Variants in FAM184A observed in about 807,000 individuals in gnomAD.
FAM184A encodes the protein family with sequence similarity 184 member A, also known as protein FAM184A.
A neutral mutation model predicts 143.8 loss-of-function variants in FAM184A; 99 were observed. The ratio of observed to expected loss-of-function variants is 0.69; its 90% confidence interval spans 0.58 to 0.81. The LOEUF is 0.81. Ranked by LOEUF, FAM184A falls within the 40% of genes least tolerant of loss-of-function variation. The pLI is 0.00. For missense variants in FAM184A, 1,217 were observed against 1,310.5 expected (o/e 0.93, Z 1.10); for synonymous variants, 427 against 446.4 (o/e 0.96, Z 0.55).
At chr6:119,117,556 G>C (rs1789092339) in intron 1 of FAM184A, among the ~76,000 whole-genome samples, 1 of 152,180 alleles carries the variant, frequency 6.6e-6, no homozygotes, top group African/African-American at 2.4e-5. Context: ...TGCTGTCAGA[G>C]GCCCCATTGC....
At chr6:119,016,364 C>T (rs934168094) in intron 5 of FAM184A, among the ~76,000 whole-genome samples, 3 of 152,150 alleles carry the variant, frequency 2.0e-5, no homozygotes, top group African/African-American at 4.8e-5. Flanking sequence ...TCTTTGGGTC[C>T]ACGCTGCTTT....
intron 15 of FAM184A, among the ~76,000 whole-genome samples, chr6:118,966,226 A>G (rs1783497082): frequency 6.6e-6 from 1 of 152,228 alleles, no homozygotes; most frequent in Non-Finnish European, 1.5e-5. Context: ...TAAAGAGTAT[A>G]TTCATTGTTA....
chr6:119,127,330 C>T (rs143794868), intron 1 of FAM184A, among the ~76,000 whole-genome samples: 1 of 152,296 alleles, frequency 6.6e-6, no homozygotes, highest in East Asian at 1.9e-4. Context: ...GGTGTGTGCA[C>T]ACTAGTGGTG....
At chr6:119,062,998 T>G (rs1239737662) in intron 1 of FAM184A, among the ~76,000 whole-genome samples, 3 of 152,224 alleles carry the variant, frequency 2.0e-5, no homozygotes, top group Non-Finnish European at 4.4e-5. Context: ...ACTTCATTGT[T>G]AATTTTCTAA....
At chr6:119,128,885 T>C in intron 1 of FAM184A, among the ~76,000 whole-genome samples, 1 of 49,862 alleles carries the variant, frequency 2.0e-5, no homozygotes, top group African/African-American at 7.6e-5. Context: ...CTTCCCTTAC[T>C]AGTTTTTTTT....
intron 1 of FAM184A, among the ~76,000 whole-genome samples, chr6:119,097,606 T>A (rs1288964924): frequency 6.6e-6 from 1 of 152,182 alleles, no homozygotes; most frequent in Non-Finnish European, 1.5e-5. Flanking sequence ...ACTTGCTAAG[T>A]GGCCGAAACA....
chr6:119,038,454 G>T (rs547655903), intron 1 of FAM184A, among the ~76,000 whole-genome samples: 30 of 152,090 alleles, frequency 2.0e-4, no homozygotes, highest in Non-Finnish European at 2.2e-4. Flanking sequence ...TGCAGTAAAG[G>T]AGTCAGCTAA....
At chr6:119,081,004 G>T (rs999581915), upstream of FAM184A, among the ~76,000 whole-genome samples, 1 of 152,176 alleles carries the variant, frequency 6.6e-6, no homozygotes, top group African/African-American at 2.4e-5. Context: ...TGGAGCAGGA[G>T]GGGGAAAGAG....
chr6:118,975,589 A>G (rs1022450854), intron 12 of FAM184A, among the ~76,000 whole-genome samples: 1 of 152,204 alleles, frequency 6.6e-6, no homozygotes, highest in Non-Finnish European at 1.5e-5. Context: ...ACCACTGCCT[A>G]TAATCTAAAG....
At chr6:118,979,606 T>C (rs1017556377) in intron 10 of FAM184A, 88 bp from the exon 11 acceptor site, 33 of 997,904 alleles carry the variant, frequency 3.3e-5, no homozygotes, top group African/African-American at 1.0e-4. Flanking sequence ...AACTCAGTTA[T>C]TATTTAAGAA....
intron 1 of FAM184A, among the ~76,000 whole-genome samples, chr6:119,107,851 TATTG>T: frequency 6.6e-6 from 1 of 151,954 alleles, no homozygotes; most frequent in Non-Finnish European, 1.5e-5. Context: ...AAGCCAGAGT[TATTG>T]TCAGTTCATT....
intron 13 of FAM184A, 37 bp downstream of exon 13, chr6:118,974,987 A>G (rs1783804209): frequency 2.0e-6 from 3 of 1,518,546 alleles, no homozygotes; most frequent in Non-Finnish European, 2.7e-6. Flanking sequence ...TTTTCAGATG[A>G]CACTGCATAT....
Position 118,960,044 on chromosome 6 carries a change from T to C in FAM184A, c.*59A>G. On this transcript the variant is annotated 3_prime_UTR_variant, in exon 18 of 18. Coordinates refer to ENST00000338891, the MANE Select transcript of FAM184A (RefSeq NM_024581.6). ...ATAGGAAAGCCTATTTACATAACAATCTGTATAAAGTCATGCTCTTAGTAA... is the reference window on the plus strand; with the variant it reads ...ATAGGAAAGCCTATTTACATAACAACCTGTATAAAGTCATGCTCTTAGTAA... The C allele has an allele frequency of 7.4e-7, 1 of 1,352,382 alleles. No individual in the cohort carries two copies. The allele number at this position is 1,352,382 out of a possible 1,614,324, so 83.8% of individuals were successfully genotyped here.
At chr6:118,977,531 T>C (rs1262641548) in intron 11 of FAM184A, among the ~76,000 whole-genome samples, 1 of 152,086 alleles carries the variant, frequency 6.6e-6, no homozygotes, top group Non-Finnish European at 1.5e-5. Context: ...AGTGAGCTGA[T>C]AGCACACCAC....
At position 119,085,882 on chromosome 6, in the gene FAM184A, G is replaced by C. The variant is rs150661844; in HGVS notation, c.-201-61069C>G. 5.6e-3 allele frequency among the ~76,000 whole-genome samples: 852 copies of C among 152,250 alleles called. 12 individuals are homozygous for C. Among genetic ancestry groups the C allele is most frequent in the African/African-American group, 0.02 (813 of 41,544 alleles). ...CCAGAGCAGGAGAAAGAGAGAGTGGGGGGAGGTGCTACACACTTTTAAACA... is the reference window on the plus strand; with the variant it reads ...CCAGAGCAGGAGAAAGAGAGAGTGGCGGGAGGTGCTACACACTTTTAAACA... On this transcript the variant is annotated intron_variant, in intron 1 of 16. Coordinates refer to the FAM184A transcript ENST00000352896.
chr6:118,994,737 A>C (rs1775640), intron 9 of FAM184A, among the ~76,000 whole-genome samples: 82,047 of 134,572 alleles, frequency 0.61, 23,066 homozygotes, highest in East Asian at 0.74. Flanking sequence ...AAATAAATAA[A>C]AAGCCAGAGG....
At position 119,039,965 on chromosome 6, in the gene FAM184A, G is replaced by T. The variant is rs141884283; in HGVS notation, c.160-15152C>A. On this transcript the variant is annotated intron_variant, in intron 1 of 17. Transcript: ENST00000338891. ...GTGTATAACTCCCTAAACACACTACGCGTGCTCTGCACATGCAGGCAGCCC... is the reference window on the plus strand; with the variant it reads ...GTGTATAACTCCCTAAACACACTACTCGTGCTCTGCACATGCAGGCAGCCC... 3.0e-3 allele frequency among the ~76,000 whole-genome samples: 453 copies of T among 152,262 alleles called. 3 individuals are homozygous for T. Among genetic ancestry groups the T allele is most frequent in the Middle Eastern group, 6.8e-3 (2 of 294 alleles).
intron 1 of FAM184A, among the ~76,000 whole-genome samples, chr6:119,119,804 C>G (rs1226729637): frequency 6.6e-6 from 1 of 151,784 alleles, no homozygotes; most frequent in African/African-American, 2.4e-5. Context: ...GATTCTGTCT[C>G]TACAAAATAC....
At chr6:118,974,657 T>C (rs1783795130) in intron 13 of FAM184A, 83 bp from the exon 14 acceptor site, 1 of 1,201,636 alleles carries the variant, frequency 8.3e-7, no homozygotes, top group Non-Finnish European at 1.2e-6. Context: ...AGATTTGAAA[T>C]GGTTTTTGGT....
Sources: allele counts gnomAD v4.1 joint callset (sites outside exome capture counted in the v4.1 genomes callset), GRCh38; gene constraint gnomAD v4.1.1; transcripts MANE v1.5; gene names NCBI Gene and HGNC (gene_info 2026-07-23, HGNC 2026-07-21).